ANKFN1: variants seen among roughly 807,000 people sequenced by gnomAD.
The protein encoded by ANKFN1 is ankyrin repeat and fibronectin type III domain containing 1.
ANKFN1 carries 74 observed loss-of-function variants against 108.7 expected under a neutral mutation model. That is an observed-to-expected ratio of 0.68 (90% CI 0.56 to 0.83). The LOEUF (loss-of-function observed/expected upper bound fraction) is 0.83, where lower values mean the gene tolerates loss of function less well. Ranked by LOEUF, ANKFN1 falls within the 40% of genes least tolerant of loss-of-function variation. The pLI, the probability that ANKFN1 is intolerant of heterozygous loss-of-function variation, is 0.00. For synonymous variants in ANKFN1, 547 were observed against 516.2 expected, an observed-to-expected ratio of 1.06 and a Z score of -0.81; for missense variants, 1,505 against 1,382.3, an observed-to-expected ratio of 1.09 and a Z score of -1.41.
At chr17:56,244,267 T>C (rs1228132907) in intron 3 of ANKFN1, among the ~76,000 whole-genome samples, 1 of 152,128 alleles carries the variant, frequency 6.6e-6, no homozygotes, top group Non-Finnish European at 1.5e-5. Flanking sequence ...GACAAGACAA[T>C]GCCTATTCCC....
intron 15 of ANKFN1, chr17:56,473,357 A>G (rs1428988639): frequency 7.9e-5 from 12 of 152,198 alleles, no homozygotes; most frequent in Admixed American, 2.0e-4. Flanking sequence ...CAGGCATTCA[A>G]TTTGGTGTTA....
chr17:56,094,304 A>G (rs1905474579), intron 4 of ANKFN1, among the ~76,000 whole-genome samples: 1 of 150,826 alleles, frequency 6.6e-6, no homozygotes, highest in South Asian at 2.1e-4. Flanking sequence ...AAATTTTCTC[A>G]TAAGCCCTAT....
At chr17:56,499,471 C>T (rs1202484479) in intron 20 of ANKFN1, among the ~76,000 whole-genome samples, 1 of 152,100 alleles carries the variant, frequency 6.6e-6, no homozygotes, top group Non-Finnish European at 1.5e-5. Context: ...GGAAAGAGAA[C>T]AGGCCCAACC....
chr17:56,403,598 A>G (rs1269370240), intron 8 of ANKFN1, among the ~76,000 whole-genome samples: 1 of 152,138 alleles, frequency 6.6e-6, no homozygotes, highest in Non-Finnish European at 1.5e-5. Flanking sequence ...GTTCTTATCC[A>G]TTCTGTGGTT....
At chr17:56,382,024 G>C (rs1173478179) in intron 8 of ANKFN1, among the ~76,000 whole-genome samples, 2 of 152,068 alleles carry the variant, frequency 1.3e-5, no homozygotes, top group Non-Finnish European at 2.9e-5. Flanking sequence ...AAATGTTAAG[G>C]GCAGCCAAAG....
chr17:56,063,058 A>G (rs368514994), intron 4 of ANKFN1, among the ~76,000 whole-genome samples: 1 of 152,090 alleles, frequency 6.6e-6, no homozygotes, highest in South Asian at 2.1e-4. Flanking sequence ...TTGTCCCCCA[A>G]TCTCTTCTGG....
At chr17:56,368,089 A>T in intron 6 of ANKFN1, 1 of 983,998 alleles carries the variant, frequency 1.0e-6, no homozygotes, top group African/African-American at 1.7e-5. Context: ...GCTAGTAGTT[A>T]CACTTCTGTA....
chr17:56,201,154 A>G (rs1914019488), intron 1 of ANKFN1, among the ~76,000 whole-genome samples: 1 of 152,082 alleles, frequency 6.6e-6, no homozygotes, highest in Non-Finnish European at 1.5e-5. Context: ...CTTAATATAA[A>G]ATGAACAGCC....
intron 3 of ANKFN1, among the ~76,000 whole-genome samples, chr17:56,316,646 G>A (rs747903595): frequency 1.6e-4 from 24 of 151,880 alleles, no homozygotes; most frequent in African/African-American, 3.4e-4. Context: ...TAGAAGAATT[G>A]ACAAAAAACA....
intron 4 of ANKFN1, among the ~76,000 whole-genome samples, chr17:56,109,877 C>T (rs940762278): frequency 1.3e-5 from 2 of 152,334 alleles, no homozygotes; most frequent in South Asian, 4.1e-4. Context: ...TACTTGGGAA[C>T]TGTTGATATT....
At chr17:56,302,974 T>C (rs531364829) in intron 3 of ANKFN1, among the ~76,000 whole-genome samples, 1 of 152,358 alleles carries the variant, frequency 6.6e-6, no homozygotes, top group South Asian at 2.1e-4. Flanking sequence ...TGTAATGAAA[T>C]GTATGCTGCC....
At chr17:56,118,033 G>T (rs1906382115) in intron 4 of ANKFN1, among the ~76,000 whole-genome samples, 1 of 151,790 alleles carries the variant, frequency 6.6e-6, no homozygotes, top group Non-Finnish European at 1.5e-5. Context: ...ATGTTTTCAG[G>T]GTTCATTTAC....
At chr17:56,486,889 A>T (rs539831704) in intron 18 of ANKFN1, among the ~76,000 whole-genome samples, 1 of 152,328 alleles carries the variant, frequency 6.6e-6, no homozygotes, top group Admixed American at 6.5e-5. Flanking sequence ...CCCATGAAAG[A>T]ATTTGAGATT....
At chr17:56,330,095 C>T (rs1480408046) in intron 4 of ANKFN1, among the ~76,000 whole-genome samples, 2 of 152,168 alleles carry the variant, frequency 1.3e-5, no homozygotes, top group African/African-American at 4.8e-5. Flanking sequence ...TAAATAGCAC[C>T]TGGCTCATAG....
chr17:56,227,973 C>A lies in ANKFN1; in HGVS notation c.53+16C>A, dbSNP rs1030793589. The A allele has an allele frequency of 1.2e-6, 2 of 1,600,360 alleles. No individual in the cohort carries two copies. The highest frequency in any genetic ancestry group is 3.4e-5 in the Admixed American group (2 of 58,452). On this transcript the variant is annotated intron_variant, in intron 3 of 20. Transcript: ENST00000682825. Reference sequence around the variant, plus strand: ...GCAGCAAAATGTAAGTACATTTCCTCCTTGAAATGGTATCTACTTCTCAGC... The same window carrying A: ...GCAGCAAAATGTAAGTACATTTCCTACTTGAAATGGTATCTACTTCTCAGC...
chr17:56,301,551 G>T (rs556600590), intron 3 of ANKFN1, among the ~76,000 whole-genome samples: 1 of 152,272 alleles, frequency 6.6e-6, no homozygotes, highest in Non-Finnish European at 1.5e-5. Context: ...GGGAACACTT[G>T]TCTCCCAAAA....
intron 3 of ANKFN1, among the ~76,000 whole-genome samples, chr17:56,304,814 T>G (rs909524015): frequency 5.9e-5 from 9 of 152,232 alleles, no homozygotes; most frequent in Admixed American, 2.0e-4. Context: ...TTTAAAATGC[T>G]TGTTGCATTT....
At position 56,470,326 on chromosome 17, in the gene ANKFN1, A is replaced by G. The variant is rs139423362; in HGVS notation, c.1773+3755A>G. The stretch of plus-strand genomic sequence containing the variant: ...CCCAGTAATGGGATTGCTGGGTCAA[A>G]TAGTATTTCTGATTCTAGGTCTTTG... On this transcript the variant is annotated intron_variant, in intron 15 of 20. Coordinates refer to ENST00000682825, the MANE Select transcript of ANKFN1 (RefSeq NM_001370326.1). 7.8e-3 allele frequency among the ~76,000 whole-genome samples: 1,194 copies of G among 152,314 alleles called. 6 individuals carry two copies. Among genetic ancestry groups the G allele is most frequent in the Non-Finnish European group, 0.012 (786 of 68,028 alleles).
intron 2 of ANKFN1, among the ~76,000 whole-genome samples, chr17:56,218,607 A>G (rs1472845100): frequency 6.6e-6 from 1 of 152,018 alleles, no homozygotes; most frequent in Non-Finnish European, 1.5e-5. Context: ...TTCTTGCCCA[A>G]CACCTAATCA....
Sources: gnomAD v4.1 joint callset for allele counts (sites outside exome capture counted in the v4.1 genomes callset) on GRCh38, gnomAD v4.1.1 for gene constraint, MANE v1.5 for transcripts, NCBI Gene and HGNC (gene_info 2026-07-23, HGNC 2026-07-21) for gene names.